Variants in GABRA1 observed in about 807,000 individuals in gnomAD.
GABRA1 encodes the protein gamma-aminobutyric acid type A receptor subunit alpha1, also known as gamma-aminobutyric acid receptor subunit alpha-1.
In GABRA1, 9 loss-of-function variants were observed where a neutral mutation model predicts 48.9. The observed-to-expected ratio is 0.18, with a 90% CI of 0.11 to 0.32. The LOEUF is 0.32. GABRA1 is among the 10% of genes least tolerant of loss of function. The pLI, the probability that GABRA1 is intolerant of heterozygous loss-of-function variation, is 1.00. For missense variants in GABRA1, 285 were observed against 553.8 expected (o/e 0.51, Z 4.87); for synonymous variants, 210 against 198.7 (o/e 1.06, Z -0.48).
chr5:161,860,122 A>G (rs1757796524), intron 3 of GABRA1, among the ~76,000 whole-genome samples: 2 of 151,990 alleles, frequency 1.3e-5, no homozygotes, highest in South Asian at 4.1e-4. Context: ...AGAATTGTTA[A>G]AATGAACAGA....
intron 9 of GABRA1, among the ~76,000 whole-genome samples, 191 bp downstream of exon 9, chr5:161,896,059 G>T (rs1342926934): frequency 1.3e-5 from 2 of 152,260 alleles, no homozygotes; most frequent in South Asian, 4.2e-4. Context: ...TAGGTGAATA[G>T]ATGTACAAAG....
In GABRA1 at chr5:161,873,440, C is replaced by T; in HGVS notation, c.476+103C>T. Reference sequence around the variant, plus strand: ...TGAGCCATGGTGGAATATTTGCTTCCTTGTTTTTCAACCTTAACAATCTTA... The same window carrying T: ...TGAGCCATGGTGGAATATTTGCTTCTTTGTTTTTCAACCTTAACAATCTTA... On this transcript the variant is annotated intron_variant, in intron 5 of 9. Coordinates refer to ENST00000393943, the MANE Select transcript of GABRA1 (RefSeq NM_001127644.2). The T allele has an allele frequency of 3.2e-6, 3 of 948,144 alleles. No homozygotes were observed. The South Asian group carries it at 4.1e-5, about 13-fold the overall frequency. The allele number at this position is 948,144 out of a possible 1,614,324, so 58.7% of individuals were successfully genotyped here.
At chr5:161,862,352 C>T (rs1757895806) in intron 3 of GABRA1, among the ~76,000 whole-genome samples, 1 of 151,854 alleles carries the variant, frequency 6.6e-6, no homozygotes, top group Admixed American at 6.6e-5. Context: ...AAACATAACA[C>T]ATTTAACACA....
intron 6 of GABRA1, among the ~76,000 whole-genome samples, chr5:161,876,012 T>A (rs1754335339): frequency 6.6e-6 from 1 of 152,156 alleles, no homozygotes; most frequent in African/African-American, 2.4e-5. Context: ...ACTTGTTTGA[T>A]CTTAAAAATA....
chr5:161,895,028 G>GTATA (rs35679403), intron 8 of GABRA1, among the ~76,000 whole-genome samples: 2 of 150,532 alleles, frequency 1.3e-5, no homozygotes, highest in African/African-American at 4.9e-5. Context: ...ATATATATGT[G>GTATA]TATATATATA....
intron 3 of GABRA1, among the ~76,000 whole-genome samples, chr5:161,862,798 T>C (rs745903183): frequency 1.2e-4 from 19 of 152,092 alleles, no homozygotes; most frequent in Non-Finnish European, 2.7e-4. Context: ...CACAGTGTTA[T>C]TTGAACATCA....
chr5:161,852,337 T>A (rs992526056), intron 2 of GABRA1, among the ~76,000 whole-genome samples: 1 of 152,098 alleles, frequency 6.6e-6, no homozygotes, highest in Non-Finnish European at 1.5e-5. Flanking sequence ...ATTTTAAGAA[T>A]TGTTTTAATA....
At chr5:161,858,060 G>C (rs74570926) in intron 3 of GABRA1, among the ~76,000 whole-genome samples, 11,763 of 151,302 alleles carry the variant, frequency 0.078, 540 homozygotes, top group East Asian at 0.17. Flanking sequence ...AATTGAGGAA[G>C]TGAAGAAGAG....
chr5:161,862,756 C>T (rs906157401), intron 3 of GABRA1, among the ~76,000 whole-genome samples: 4 of 151,998 alleles, frequency 2.6e-5, no homozygotes, highest in South Asian at 2.1e-4. Flanking sequence ...AATTAATGTA[C>T]GCAATAGATG....
Position 161,899,040 on chromosome 5 carries a change from T to C in GABRA1, c.*1618T>C, listed in dbSNP as rs1178789445. On this transcript the variant is annotated 3_prime_UTR_variant, in exon 10 of 10. Coordinates refer to ENST00000393943, the MANE Select transcript of GABRA1 (RefSeq NM_001127644.2). ...TAAATATTTATGCAGAAGGTATTTTTGAAGTCTCCTTTTGTCTGATAGAGT... is the reference window on the plus strand; with the variant it reads ...TAAATATTTATGCAGAAGGTATTTTCGAAGTCTCCTTTTGTCTGATAGAGT... The C allele has an allele frequency of 3.3e-5, 5 of 152,570 alleles. No individual in the cohort carries two copies. Among genetic ancestry groups the C allele is most frequent in the Non-Finnish European group, 7.4e-5 (5 of 67,982 alleles). 9.5% of individuals were successfully genotyped at this position (152,570 alleles called of 1,614,324 possible).
Position 161,873,230 on chromosome 5 carries a change from T to C in GABRA1, c.369T>C (p.Thr123=). 1 of 1,613,836 alleles carries C rather than the reference T, an allele frequency of 6.2e-7. No individual in the cohort carries two copies. The highest frequency in any genetic ancestry group is 2.2e-5 in the East Asian group (1 of 44,878). ...ACCTAATGGCAAGTAAAATCTGGAC[T>C]CCGGACACATTTTTCCACAATGGAA... ...LNNLMASKIW[T]PDTFFHNGKK... Residue 123 remains threonine (T), a synonymous_variant, in exon 5 of 10, where the codon ACT becomes ACC. Coordinates refer to ENST00000393943, the MANE Select transcript of GABRA1 (RefSeq NM_001127644.2).
At chr5:161,877,125 T>C (rs1754391231) in intron 6 of GABRA1, among the ~76,000 whole-genome samples, 1 of 152,076 alleles carries the variant, frequency 6.6e-6, no homozygotes, top group South Asian at 2.1e-4. Flanking sequence ...TGTATGGTTG[T>C]GGTATAGACA....
chr5:161,882,952 A>C (rs925691460), intron 7 of GABRA1, among the ~76,000 whole-genome samples: 2 of 152,180 alleles, frequency 1.3e-5, no homozygotes, highest in African/African-American at 4.8e-5. Flanking sequence ...TTACTGTAGC[A>C]CAACAGGTAG....
intron 7 of GABRA1, among the ~76,000 whole-genome samples, chr5:161,886,736 C>T (rs1007264131): frequency 1.3e-5 from 2 of 152,036 alleles, no homozygotes; most frequent in African/African-American, 4.8e-5. Flanking sequence ...GAGACTACAC[C>T]ACTGCACTCC....
intron 7 of GABRA1, among the ~76,000 whole-genome samples, chr5:161,887,229 T>C (rs569231388): frequency 6.6e-6 from 1 of 152,292 alleles, no homozygotes; most frequent in East Asian, 1.9e-4. Flanking sequence ...AGAAACATTG[T>C]AGTATTCTCT....
intron 4 of GABRA1, among the ~76,000 whole-genome samples, chr5:161,867,106 G>A (rs1753899530): frequency 6.6e-6 from 1 of 152,098 alleles, no homozygotes; most frequent in South Asian, 2.1e-4. Flanking sequence ...ACTTGTGAAT[G>A]TATGCATCTT....
chr5:161,897,334 C>T lies in GABRA1; in HGVS notation c.1283C>T (p.Pro428Leu), dbSNP rs778447396. 1.2e-6 allele frequency: 2 copies of T among 1,614,084 alleles called. No homozygotes were observed. The highest frequency in any genetic ancestry group is 8.5e-7 in the Non-Finnish European group (1 of 1,179,952). The change falls in exon 10 of 10, where the codon CCG (proline) becomes CTG (leucine). Residue 428 changes from proline to leucine, a missense_variant. By Grantham distance (98) the Pro-to-Leu change is moderately conservative (BLOSUM62 -3). Coordinates refer to ENST00000393943, the MANE Select transcript of GABRA1 (RefSeq NM_001127644.2). Reference protein sequence around the residue: ...KIDRLSRIAFPLLFGIFNLVY... With the variant: ...KIDRLSRIAFLLLFGIFNLVY... ...GACCGACTGTCAAGAATAGCCTTCCCGCTGCTATTTGGAATCTTTAACTTA... is the reference window on the plus strand; with the variant it reads ...GACCGACTGTCAAGAATAGCCTTCCTGCTGCTATTTGGAATCTTTAACTTA...
intron 7 of GABRA1, 34 bp downstream of exon 7, chr5:161,882,735 A>G: frequency 6.3e-7 from 1 of 1,582,234 alleles, no homozygotes; most frequent in Admixed American, 1.7e-5. Context: ...GTTATGGAGG[A>G]AGAAGAAGAA....
chr5:161,857,518 A>ACTG (rs1338493815), intron 3 of GABRA1, among the ~76,000 whole-genome samples: 1 of 151,584 alleles, frequency 6.6e-6, no homozygotes, highest in East Asian at 1.9e-4. Context: ...ATTTTAAAAG[A>ACTG]CTGCCTTTTC....
Sources: gnomAD v4.1 joint callset for allele counts (sites outside exome capture counted in the v4.1 genomes callset) on GRCh38, gnomAD v4.1.1 for gene constraint, MANE v1.5 for transcripts, NCBI Gene and HGNC (gene_info 2026-07-23, HGNC 2026-07-21) for gene names.